MLH3: variants seen among roughly 807,000 people sequenced by gnomAD.
The protein encoded by MLH3 is DNA mismatch repair protein Mlh3.
A neutral mutation model predicts 122.2 loss-of-function variants in MLH3; 82 were observed. The ratio of observed to expected loss-of-function variants is 0.67; its 90% confidence interval spans 0.56 to 0.81. The LOEUF (loss-of-function observed/expected upper bound fraction) is 0.81. Ranked by LOEUF, MLH3 falls within the 30% of genes least tolerant of loss-of-function variation. MLH3 has a pLI of 0.00. For missense variants in MLH3, 1,539 were observed against 1,714.5 expected, an observed-to-expected ratio of 0.90 and a Z score of 1.81; for synonymous variants, 524 against 599.5, an observed-to-expected ratio of 0.87 and a Z score of 1.84.
At position 75,017,155 on chromosome 14, in the gene MLH3, C is replaced by T. The variant is rs760305520; in HGVS notation, c.4289G>A (p.Arg1430His). The change falls in exon 13 of 13, where the codon CGT (arginine) becomes CAT (histidine). Residue 1430 changes from arginine (R) to histidine (H), a missense_variant. By Grantham distance (29) the Arg-to-His change is conservative. Coordinates refer to ENST00000355774, the MANE Select transcript of MLH3 (RefSeq NM_001040108.2). The part of the protein sequence containing the change: ...TKLRKMAQAW[R>H]LFGKAECDTR... ...ATCACACTCTGCTTTTCCAAAGAGA[C>T]GCCAGGCCTGGGCCATTTTGCGAAG... The T allele has an allele frequency of 1.9e-5, 30 of 1,612,648 alleles. No individual in the cohort carries two copies. The highest frequency in any genetic ancestry group is 1.0e-4 in the Admixed American group (6 of 59,954).
Position 75,040,433 on chromosome 14 carries a change from C to T in MLH3, c.3466-418G>A, listed in dbSNP as rs1215620778. ...CCACTGCACTTCAGCCTGGGCGACACAGCAAGACTCTGTCACAAAAAAAAA... is the reference window on the plus strand; with the variant it reads ...CCACTGCACTTCAGCCTGGGCGACATAGCAAGACTCTGTCACAAAAAAAAA... On this transcript the variant is annotated intron_variant, in intron 4 of 12. Transcript: ENST00000355774. Among the ~76,000 whole-genome samples, 3 of 79,754 alleles carry T rather than the reference C, an allele frequency of 3.8e-5. No individual in the cohort carries two copies. The Admixed American group carries it at 6.2e-4, about 17-fold the overall frequency. 52.3% of individuals were successfully genotyped at this position (79,754 alleles called of 152,430 possible).
rs898472900 is a variant in MLH3, at chr14:75,035,320, G to A, written c.3644-1830C>T. ...GCGGATCACCTGAGATCAGGAGTTCGAGACCAGCCTGGCCAACATGGAGAA... is the reference window on the plus strand; with the variant it reads ...GCGGATCACCTGAGATCAGGAGTTCAAGACCAGCCTGGCCAACATGGAGAA... On this transcript the variant is annotated intron_variant, in intron 6 of 12. Transcript: ENST00000355774. Among the ~76,000 whole-genome samples, 8 of 151,932 alleles carry A rather than the reference G, an allele frequency of 5.3e-5. No homozygotes were observed. The South Asian group carries it at 8.3e-4, about 16-fold the overall frequency.
In MLH3 at chr14:75,046,741, A is replaced by G. The variant is rs1216488482; in HGVS notation, c.2915T>C (p.Leu972Ser). 1 of 1,614,224 alleles carries G rather than the reference A, an allele frequency of 6.2e-7. No individual in the cohort carries two copies. Among genetic ancestry groups the G allele is most frequent in the Admixed American group, 1.7e-5 (1 of 60,026 alleles). Reference sequence around the variant, plus strand: ...GGTAACTTTAGAATTATTATAGGGCAATACCAAAGGAGTTTCTGATATCAC... The same window carrying G: ...GGTAACTTTAGAATTATTATAGGGCGATACCAAAGGAGTTTCTGATATCAC... ...NCVISETPLV[L>S]PYNNSKVTGK... Residue 972 changes from leucine to serine, a missense_variant, in exon 2 of 13, where the codon TTG (leucine) becomes TCG (serine). Physicochemically the swap from Leu to Ser is moderately radical, Grantham distance 145. Coordinates refer to ENST00000355774, the MANE Select transcript of MLH3 (RefSeq NM_001040108.2).
intron 3 of MLH3, 64 bp downstream of exon 3, chr14:75,042,315 T>C (rs769903210): frequency 9.9e-5 from 138 of 1,400,330 alleles, no homozygotes; most frequent in Non-Finnish European, 1.4e-4. Context: ...GCAAGCCTGC[T>C]TTGTTTTTTG....
Position 75,046,786 on chromosome 14 carries a change from C to T in MLH3, c.2870G>A (p.Ser957Asn). The change falls in exon 2 of 13, where the codon AGC becomes AAC. Residue 957 changes from serine (S) to asparagine (N), a missense_variant. Ser to Asn is a conservative substitution (Grantham distance 46). Coordinates refer to ENST00000355774, the MANE Select transcript of MLH3 (RefSeq NM_001040108.2). ...FNKNSKTHSN[S>N]NTTENCVISE... Reference sequence around the variant, plus strand: ...TATCACACAGTTCTCTGTTGTATTGCTGTTAGAATGTGTTTTACTATTTTT... The same window carrying T: ...TATCACACAGTTCTCTGTTGTATTGTTGTTAGAATGTGTTTTACTATTTTT... 1.2e-6 allele frequency: 2 copies of T among 1,614,118 alleles called. No individual in the cohort carries two copies. The highest frequency in any genetic ancestry group is 1.7e-6 in the Non-Finnish European group (2 of 1,179,994).
Position 75,049,232 on chromosome 14 carries a change from C to T in MLH3, c.424G>A (p.Ala142Thr), listed in dbSNP as rs745639930. The change falls in exon 2 of 13, where the codon GCT becomes ACT. Residue 142 changes from alanine (A) to threonine (T), a missense_variant. By Grantham distance (58) the Ala-to-Thr change is moderately conservative (BLOSUM62 0). Coordinates refer to ENST00000355774, the MANE Select transcript of MLH3 (RefSeq NM_001040108.2). ...TTATACACTGTTACAGTAGTCCCAG[C>T]GCTTGCTCTAGTCACATCAGCTTCA... ...ACEADVTRAS[A>T]GTTVTVYNLF... 21 of 1,614,066 alleles carry T rather than the reference C, an allele frequency of 1.3e-5. No homozygotes were observed. The highest frequency in any genetic ancestry group is 1.2e-4 in the South Asian group (11 of 91,090).
At chr14:75,051,151 C>A (rs965332727) in intron 1 of MLH3, 1 of 152,298 alleles carries the variant, frequency 6.6e-6, no homozygotes. Context: ...CCTGGGAGGG[C>A]CGCGCGGGCC....
rs186446691 is a variant in MLH3 at position 75,042,603 on chromosome 14, C to T, written c.3281-126G>A. ...AAGACATAAAGCAGACTACTAAACA[C>T]TAGATTGAGAATCAGAAATCCTTTA... On this transcript the variant is annotated intron_variant, in intron 2 of 12. Coordinates refer to ENST00000355774, the MANE Select transcript of MLH3 (RefSeq NM_001040108.2). 2.1e-3 allele frequency: 1,440 copies of T among 700,708 alleles called. 7 individuals carry two copies. Among genetic ancestry groups the T allele is most frequent in the Middle Eastern group, 4.9e-3 (13 of 2,644 alleles). 43.4% of individuals were successfully genotyped at this position (700,708 alleles called of 1,614,324 possible).
intron 7 of MLH3, 135 bp from the exon 8 acceptor site, chr14:75,032,314 T>A (rs1891104497): frequency 1.5e-6 from 1 of 686,382 alleles, no homozygotes; most frequent in African/African-American, 1.8e-5. Flanking sequence ...GATTTTGGAT[T>A]TCCATTTTTA....
rs1889903404 is a variant in MLH3 at position 75,016,652 on chromosome 14, G to A, written c.*430C>T. 6.8e-6 allele frequency: 2 copies of A among 293,218 alleles called. No homozygotes were observed. Among genetic ancestry groups the A allele is most frequent in the Admixed American group, 4.9e-5 (1 of 20,386 alleles). The allele number at this position is 293,218 out of a possible 1,614,324, so 18.2% of individuals were successfully genotyped here. A position where few individuals can be genotyped will look rare whatever the true frequency, so the allele number is the denominator to read the frequency against. On this transcript the variant is annotated 3_prime_UTR_variant, in exon 13 of 13. Transcript: ENST00000355774. Reference sequence around the variant, plus strand: ...GGGGACCAGTGCAGAAACCCTGGGGGCAGCCTGGGAAGGCAGACTACCCCT... The same window carrying A: ...GGGGACCAGTGCAGAAACCCTGGGGACAGCCTGGGAAGGCAGACTACCCCT...
rs1224715528 is a variant in MLH3 at position 75,030,655 on chromosome 14, G to C, written c.3875C>G (p.Pro1292Arg). 4 of 1,613,682 alleles carry C rather than the reference G, an allele frequency of 2.5e-6. No homozygotes were observed. The East Asian group carries it at 8.9e-5, about 36-fold the overall frequency. Residue 1292 changes from proline to arginine, a missense_variant, in exon 9 of 13, where the codon CCA (proline) becomes CGA (arginine). By Grantham distance (103) the Pro-to-Arg change is moderately radical (BLOSUM62 -2). Transcript: ENST00000355774. ...AAGGACCAGAGAATCACTAGTGTCTGGAAATACAAATTCAAGGCCCAGATC... is the reference window on the plus strand; with the variant it reads ...AAGGACCAGAGAATCACTAGTGTCTCGAAATACAAATTCAAGGCCCAGATC... Reference protein sequence around the residue: ...LEDLGLEFVFPDTSDSLVLVG... With the variant: ...LEDLGLEFVFRDTSDSLVLVG...
chr14:75,044,151 A>T (rs566617435), intron 2 of MLH3, among the ~76,000 whole-genome samples: 94 of 152,300 alleles, frequency 6.2e-4, no homozygotes, highest in Middle Eastern at 3.4e-3. Context: ...AAAGTTTGAC[A>T]ATGTCCTGAT....
intron 6 of MLH3, 152 bp downstream of exon 6, chr14:75,038,188 C>T (rs868767327): frequency 1.0e-4 from 67 of 665,650 alleles, no homozygotes; most frequent in African/African-American, 7.4e-4. Flanking sequence ...TGTGAGCCAC[C>T]GCACCCAGCC....
At chr14:75,019,421 A>T (rs2139302303) in intron 11 of MLH3, among the ~76,000 whole-genome samples, 1 of 151,716 alleles carries the variant, frequency 6.6e-6, no homozygotes, top group Non-Finnish European at 1.5e-5. Context: ...AAAAAAAAAA[A>T]AAAAAAAAAA....
At chr14:75,039,560 G>T (rs1891664309) in intron 5 of MLH3, among the ~76,000 whole-genome samples, 1 of 151,910 alleles carries the variant, frequency 6.6e-6, no homozygotes. Flanking sequence ...GTCACTAAAG[G>T]ACTTTGATTT....
At chr14:75,020,265 GC>G (rs1251959327) in intron 11 of MLH3, among the ~76,000 whole-genome samples, 1 of 152,166 alleles carries the variant, frequency 6.6e-6, no homozygotes, top group Non-Finnish European at 1.5e-5. Flanking sequence ...ACCCTTGTGG[GC>G]CACAGTAAAA....
intron 6 of MLH3, among the ~76,000 whole-genome samples, chr14:75,037,294 C>T (rs748565958): frequency 6.6e-6 from 1 of 152,200 alleles, no homozygotes; most frequent in African/African-American, 2.4e-5. Context: ...CCCTGAACTC[C>T]CTGATGAAAT....
intron 9 of MLH3, among the ~76,000 whole-genome samples, chr14:75,029,022 C>T (rs1244734714): frequency 9.3e-5 from 14 of 150,046 alleles, no homozygotes; most frequent in African/African-American, 1.2e-4. Flanking sequence ...TGGTGGTGTG[C>T]GCCTGTAATC....
At position 75,018,809 on chromosome 14, in the gene MLH3, C is replaced by G. The variant is rs150282176; in HGVS notation, c.4242+20G>C. 6.2e-7 allele frequency: 1 copy of G among 1,613,674 alleles called. No homozygotes were observed. The highest frequency in any genetic ancestry group is 2.2e-5 in the East Asian group (1 of 44,882). On this transcript the variant is annotated intron_variant, in intron 12 of 12. Coordinates refer to ENST00000355774, the MANE Select transcript of MLH3 (RefSeq NM_001040108.2). ...AAAATAAACTTTGCTCCCTCCTGCT[C>G]CTGTTAGTCATTAATGTACCTGTTT... is the stretch of plus-strand genomic sequence containing the variant.
Sources: gnomAD v4.1 joint callset for allele counts (sites outside exome capture counted in the v4.1 genomes callset) on GRCh38, gnomAD v4.1.1 for gene constraint, MANE v1.5 for transcripts, NCBI Gene and HGNC (gene_info 2026-07-23, HGNC 2026-07-21) for gene names.